The following NFIA variants were observed in gnomAD, a reference collection of about 807,000 sequenced individuals.
NFIA encodes nuclear factor I A.
In NFIA, 8 loss-of-function variants were observed where a neutral mutation model predicts 62.8. That is an observed-to-expected ratio of 0.13 (90% CI 0.07 to 0.23). NFIA has a LOEUF of 0.23. Ranked by LOEUF, NFIA falls within the 10% of genes least tolerant of loss-of-function variation. The pLI, the probability that NFIA is intolerant of heterozygous loss-of-function variation, is 1.00. For synonymous variants in NFIA, 235 were observed against 238.1 expected (o/e 0.99, Z 0.12); for missense variants, 410 against 642.1 (o/e 0.64, Z 3.91).
chr1:61,415,826 T>A (rs1666323718), intron 9 of NFIA, among the ~76,000 whole-genome samples: 1 of 152,206 alleles, frequency 6.6e-6, no homozygotes, highest in East Asian at 1.9e-4. Context: ...CATATATAAA[T>A]TTTACATGTA....
intron 9 of NFIA, among the ~76,000 whole-genome samples, chr1:61,425,744 A>G (rs186643845): frequency 6.6e-6 from 1 of 152,352 alleles, no homozygotes; most frequent in Non-Finnish European, 1.5e-5. Flanking sequence ...ATGAACCAAG[A>G]AAGGATAGTA....
At chr1:61,265,931 G>A (rs1029036844) in intron 2 of NFIA, among the ~76,000 whole-genome samples, 3 of 152,176 alleles carry the variant, frequency 2.0e-5, no homozygotes, top group South Asian at 4.1e-4. Flanking sequence ...AGTGATTATT[G>A]CACTCATGTT....
chr1:61,080,238 AAAG>A (rs532938970), upstream of NFIA, among the ~76,000 whole-genome samples: 3 of 152,170 alleles, frequency 2.0e-5, no homozygotes, highest in Non-Finnish European at 4.4e-5. Context: ...TGCTGCAACA[AAAG>A]AAGTTTTTAA....
chr1:61,175,496 C>T (rs887328388), intron 2 of NFIA, among the ~76,000 whole-genome samples: 12 of 152,232 alleles, frequency 7.9e-5, no homozygotes, highest in Non-Finnish European at 1.6e-4. Flanking sequence ...ATGGGAAAAA[C>T]TATTATTGAA....
At chr1:61,215,945 A>G (rs938287831) in intron 2 of NFIA, among the ~76,000 whole-genome samples, 1 of 152,200 alleles carries the variant, frequency 6.6e-6, no homozygotes, top group African/African-American at 2.4e-5. Flanking sequence ...GGTTAAATAA[A>G]TTCTTGAAAT....
intron 2 of NFIA, among the ~76,000 whole-genome samples, chr1:61,137,208 G>C (rs1304960395): frequency 1.3e-5 from 2 of 152,202 alleles, no homozygotes; most frequent in Non-Finnish European, 2.9e-5. Context: ...CAAATGGAGA[G>C]AGTAGGTTGA....
At chr1:61,276,735 T>G (rs1433237833) in intron 2 of NFIA, among the ~76,000 whole-genome samples, 1 of 152,144 alleles carries the variant, frequency 6.6e-6, no homozygotes, top group African/African-American at 2.4e-5. Flanking sequence ...AAAAATTAAG[T>G]TACTTTGATT....
At chr1:61,193,823 A>G (rs1422874503) in intron 2 of NFIA, among the ~76,000 whole-genome samples, 1 of 152,166 alleles carries the variant, frequency 6.6e-6, no homozygotes, top group African/African-American at 2.4e-5. Flanking sequence ...CCTTTCCTGG[A>G]AATACCAAAA....
intron 7 of NFIA, among the ~76,000 whole-genome samples, chr1:61,392,956 G>A (rs752233702): frequency 8.5e-5 from 13 of 152,152 alleles, no homozygotes; most frequent in Admixed American, 1.3e-4. Flanking sequence ...GCATGTGTGC[G>A]CACAGGCACA....
chr1:61,320,982 C>T (rs1012352950), intron 3 of NFIA, among the ~76,000 whole-genome samples: 3 of 152,042 alleles, frequency 2.0e-5, no homozygotes, highest in Non-Finnish European at 4.4e-5. Context: ...TGCAAATTAC[C>T]AGTTGTTACT....
chr1:61,179,297 C>T (rs1177959077), intron 2 of NFIA, among the ~76,000 whole-genome samples: 1 of 152,160 alleles, frequency 6.6e-6, no homozygotes, highest in Non-Finnish European at 1.5e-5. Context: ...ACAAGTGAGA[C>T]AGGAGAGGAG....
At chr1:61,202,721 T>C (rs936309166) in intron 2 of NFIA, among the ~76,000 whole-genome samples, 1 of 152,200 alleles carries the variant, frequency 6.6e-6, no homozygotes, top group South Asian at 2.1e-4. Flanking sequence ...TATGTTTTAT[T>C]TATAAAACAA....
At chr1:61,357,174 C>G (rs1344693332) in intron 5 of NFIA, among the ~76,000 whole-genome samples, 1 of 152,232 alleles carries the variant, frequency 6.6e-6, no homozygotes, top group Non-Finnish European at 1.5e-5. Context: ...ACATATCACA[C>G]TTCACTCACA....
chr1:61,133,649 A>G (rs1046645495), intron 2 of NFIA, among the ~76,000 whole-genome samples: 2 of 152,192 alleles, frequency 1.3e-5, no homozygotes, highest in Admixed American at 1.3e-4. Flanking sequence ...ATTAATCAAG[A>G]ATATATTGTT....
chr1:61,214,972 T>A (rs1653518629), intron 2 of NFIA, among the ~76,000 whole-genome samples: 1 of 152,124 alleles, frequency 6.6e-6, no homozygotes, highest in South Asian at 2.1e-4. Flanking sequence ...AATACACTCT[T>A]CCCACTTCCC....
At chr1:61,364,803 A>T (rs182308327) in intron 6 of NFIA, among the ~76,000 whole-genome samples, 125 of 152,298 alleles carry the variant, frequency 8.2e-4, no homozygotes, top group African/African-American at 2.9e-3. Context: ...TCAGATTTCC[A>T]TACCAAATGT....
At chr1:61,319,788 T>TCACAC (rs1557703943) in intron 3 of NFIA, among the ~76,000 whole-genome samples, 2 of 78,756 alleles carry the variant, frequency 2.5e-5, no homozygotes, top group African/African-American at 1.4e-4. Flanking sequence ...CTGGAAGAAT[T>TCACAC]AAACACACAC....
intron 2 of NFIA, among the ~76,000 whole-genome samples, chr1:61,211,051 T>C (rs907547866): frequency 2.0e-5 from 3 of 152,210 alleles, no homozygotes; most frequent in Non-Finnish European, 4.4e-5. Flanking sequence ...TATGCTGTAT[T>C]AGGAAGGAAG....
chr1:61,127,604 G>A (rs1341556601), intron 2 of NFIA, among the ~76,000 whole-genome samples: 1 of 152,154 alleles, frequency 6.6e-6, no homozygotes, highest in East Asian at 1.9e-4. Flanking sequence ...TCAGCCAGAA[G>A]ATATGGTGAA....
Sources: gnomAD v4.1 joint callset for allele counts (sites outside exome capture counted in the v4.1 genomes callset) on GRCh38, gnomAD v4.1.1 for gene constraint, MANE v1.5 for transcripts, NCBI Gene and HGNC (gene_info 2026-07-23, HGNC 2026-07-21) for gene names.